STX3: variants seen among roughly 807,000 people sequenced by gnomAD.
The protein encoded by STX3 is syntaxin-3.
Under a neutral mutation model 40.2 loss-of-function variants are expected in STX3, and 19 were observed. The ratio of observed to expected loss-of-function variants is 0.47; its 90% CI spans 0.33 to 0.69. The LOEUF is 0.69. STX3 is among the 30% of genes least tolerant of loss of function. The pLI, the probability that STX3 is intolerant of heterozygous loss-of-function variation, is 0.02. For missense variants in STX3, 364 were observed against 366.7 expected (o/e 0.99, Z 0.06); for synonymous variants, 122 against 132.2 (o/e 0.92, Z 0.53).
Position 59,773,302 on chromosome 11 carries a change from A to G in STX3, c.114+8A>G, listed in dbSNP as rs1403116536. 4 of 1,613,520 alleles carry G rather than the reference A, an allele frequency of 2.5e-6. No homozygotes were observed. Among genetic ancestry groups the G allele is most frequent in the Admixed American group, 3.3e-5 (2 of 59,962 alleles). On this transcript the variant is annotated splice_region_variant and intron_variant, in intron 2 of 10. Transcript: ENST00000337979. ...GACGAGTTCTTTTCTGAGGTAGGCA[A>G]CCTTCCTGTATTTTTTTCTAAATGT...
intron 9 of STX3, chr11:59,795,837 C>G (rs1865489419): frequency 1.3e-6 from 1 of 792,512 alleles, no homozygotes; most frequent in African/African-American, 1.7e-5. Context: ...ATCAACCCCT[C>G]CCTCAGCTTT....
chr11:59,762,839 C>T (rs530924160), intron 1 of STX3, among the ~76,000 whole-genome samples: 43 of 152,160 alleles, frequency 2.8e-4, no homozygotes, highest in Non-Finnish European at 5.1e-4. Flanking sequence ...AGAAAGAAAG[C>T]AGGAAGAAGG....
At chr11:59,768,266 C>A (rs943273543) in intron 1 of STX3, among the ~76,000 whole-genome samples, 5 of 152,140 alleles carry the variant, frequency 3.3e-5, no homozygotes, top group Admixed American at 1.3e-4. Context: ...TCAACTTCAA[C>A]TTTCTAGGTG....
Position 59,795,296 on chromosome 11 carries a change from A to G in STX3, c.676-76A>G, listed in dbSNP as rs1865443494. 4 of 1,239,462 alleles carry G rather than the reference A, an allele frequency of 3.2e-6. No individual in the cohort carries two copies. The South Asian group carries it at 5.3e-5, about 16-fold the overall frequency. The allele number at this position is 1,239,462 out of a possible 1,614,324, so 76.8% of individuals were successfully genotyped here. ...TTCTTGCCACTGAAGATTGTAAGAAAGAGAATCCCTTCCCCGCATTGGCTA... is the reference window on the plus strand; with the variant it reads ...TTCTTGCCACTGAAGATTGTAAGAAGGAGAATCCCTTCCCCGCATTGGCTA... On this transcript the variant is annotated intron_variant, in intron 8 of 10. Coordinates refer to ENST00000337979, the MANE Select transcript of STX3 (RefSeq NM_004177.5).
At chr11:59,765,365 A>T (rs1171612248) in intron 1 of STX3, among the ~76,000 whole-genome samples, 1 of 152,104 alleles carries the variant, frequency 6.6e-6, no homozygotes, top group Non-Finnish European at 1.5e-5. Context: ...GAAAGACCAG[A>T]TGTTGGGCAG....
intron 1 of STX3, among the ~76,000 whole-genome samples, chr11:59,767,301 G>A (rs1283028349): frequency 6.6e-6 from 1 of 152,186 alleles, no homozygotes; most frequent in Non-Finnish European, 1.5e-5. Flanking sequence ...GGGAGGGGAG[G>A]AAGTTGATGG....
At chr11:59,790,974 C>T (rs1419547089) in intron 5 of STX3, among the ~76,000 whole-genome samples, 1 of 152,062 alleles carries the variant, frequency 6.6e-6, no homozygotes, top group East Asian at 1.9e-4. Context: ...AACTGGCATG[C>T]CATTGAAGCG....
In STX3 at chr11:59,793,210, G is replaced by A. The variant is rs76683092; in HGVS notation, c.540+38G>A. 5.8e-3 allele frequency: 9,262 copies of A among 1,610,492 alleles called. 73 individuals carry two copies. The highest frequency in any genetic ancestry group is 0.032 in the African/African-American group (2,429 of 74,992). On this transcript the variant is annotated intron_variant, in intron 7 of 10. Coordinates refer to ENST00000337979, the MANE Select transcript of STX3 (RefSeq NM_004177.5). ...TGTGCTCGGATAGCACATCCCTCTC[G>A]TGAGCAGGGAGGCCACTGCGGAGCT...
intron 1 of STX3, among the ~76,000 whole-genome samples, chr11:59,756,486 A>C (rs895033341): frequency 8.5e-5 from 13 of 152,226 alleles, no homozygotes; most frequent in African/African-American, 2.9e-4. Flanking sequence ...TCAGTGGCAC[A>C]GGTTCTACCT....
chr11:59,785,238 T>C (rs1864674755), intron 2 of STX3, among the ~76,000 whole-genome samples: 1 of 152,224 alleles, frequency 6.6e-6, no homozygotes, highest in Non-Finnish European at 1.5e-5. Context: ...AATATATTTA[T>C]AGAGGGGAAA....
rs1274457139 is a variant in STX3, at chr11:59,787,063, C to G, written c.141C>G (p.Asp47Glu). Residue 47 changes from aspartate (D) to glutamate (E), a missense_variant, in exon 3 of 11, where the codon GAC becomes GAG. Transcript: ENST00000337979. ...SEIEETRLNI[D>E]KISEHVEEAK... ...TTGAGGAAACTCGGCTTAACATTGA[C>G]AAGATCTCAGAACATGTAGAGGAGG... The G allele has an allele frequency of 1.2e-6, 2 of 1,614,036 alleles. No individual in the cohort carries two copies. The highest frequency in any genetic ancestry group is 1.7e-5 in the Admixed American group (1 of 59,996).
chr11:59,776,875 C>T (rs1424542791), intron 2 of STX3, among the ~76,000 whole-genome samples: 1 of 152,160 alleles, frequency 6.6e-6, no homozygotes, highest in Non-Finnish European at 1.5e-5. Context: ...GTCTAATTTG[C>T]AGTTGTCTAT....
intron 1 of STX3, among the ~76,000 whole-genome samples, chr11:59,771,391 C>CG (rs1863619468): frequency 1.1e-4 from 13 of 122,866 alleles, no homozygotes; most frequent in Non-Finnish European, 1.3e-4. Context: ...ATTTGCCCCC[C>CG]GTCCCCCCAC....
rs377430308 is a variant in STX3 at position 59,777,360 on chromosome 11, A to T, written c.114+4066A>T. ...TGTCTTCCGGATAATTCTGTTGCCT[A>T]CTGCAGCTATGCACCACTGCAAAGT... On this transcript the variant is annotated intron_variant, in intron 2 of 10. Coordinates refer to ENST00000337979, the MANE Select transcript of STX3 (RefSeq NM_004177.5). Among the ~76,000 whole-genome samples, 10 of 152,186 alleles carry T rather than the reference A, an allele frequency of 6.6e-5. No homozygotes were observed. In the East Asian group the frequency reaches 7.7e-4, roughly 12 times the overall value.
chr11:59,791,908 C>T (rs565236086), intron 5 of STX3, among the ~76,000 whole-genome samples, 199 bp from the exon 6 acceptor site: 17 of 152,194 alleles, frequency 1.1e-4, no homozygotes, highest in Admixed American at 2.6e-4. Context: ...TTTCAGTAAA[C>T]TGGTGCTGAA....
intron 1 of STX3, among the ~76,000 whole-genome samples, chr11:59,763,602 C>T (rs77650419): frequency 0.1 from 15,822 of 152,200 alleles, 1,157 homozygotes; most frequent in African/African-American, 0.2. Flanking sequence ...AACAGTGATA[C>T]AATTAGAAAT....
In STX3 at chr11:59,796,731, C is replaced by T. The variant is rs544484818; in HGVS notation, c.787-552C>T. 2.0e-4 allele frequency among the ~76,000 whole-genome samples: 30 copies of T among 152,328 alleles called. No homozygotes were observed. In the South Asian group the frequency reaches 4.6e-3, roughly 23 times the overall value. On this transcript the variant is annotated intron_variant, in intron 9 of 10. Transcript: ENST00000337979. ...CTCTGATTCTATCTGTCCACATATA[C>T]AGAACTGCAGTGTGAGCTGAGAGCT...
chr11:59,787,443 C>G (rs148663037), intron 3 of STX3, among the ~76,000 whole-genome samples: 6 of 152,306 alleles, frequency 3.9e-5, no homozygotes, highest in African/African-American at 1.4e-4. Context: ...TGTCCCTCCT[C>G]TGAGCCTCTG....
chr11:59,779,050 C>T (rs984483977), intron 2 of STX3, among the ~76,000 whole-genome samples: 1 of 152,110 alleles, frequency 6.6e-6, no homozygotes, highest in Admixed American at 6.5e-5. Flanking sequence ...GTTGGTCAGG[C>T]TGGTCTGGAA....
Sources: allele counts gnomAD v4.1 joint callset (sites outside exome capture counted in the v4.1 genomes callset), GRCh38; gene constraint gnomAD v4.1.1; transcripts MANE v1.5; gene names NCBI Gene and HGNC (gene_info 2026-07-23, HGNC 2026-07-21).